BABAM2: variants seen among roughly 807,000 people sequenced by gnomAD.
The protein encoded by BABAM2 is BRISC and BRCA1-A complex member 2.
Under a neutral mutation model 54.7 loss-of-function variants are expected in BABAM2, and 31 were observed. The ratio of observed to expected loss-of-function variants is 0.57; its 90% CI spans 0.43 to 0.77. The LOEUF (loss-of-function observed/expected upper bound fraction) is 0.77, where lower values mean the gene tolerates loss of function less well. BABAM2 is among the 30% of genes least tolerant of loss of function. The pLI, the probability that BABAM2 is intolerant of heterozygous loss-of-function variation, is 0.00. For missense variants in BABAM2, 364 were observed against 455.8 expected (o/e 0.80, Z 1.83); for synonymous variants, 167 against 162.9 (o/e 1.03, Z -0.19).
chr2:28,076,335 T>A (rs946675527), intron 6 of BABAM2, among the ~76,000 whole-genome samples: 3 of 151,982 alleles, frequency 2.0e-5, no homozygotes, highest in Non-Finnish European at 4.4e-5. Context: ...TTAGATAAAA[T>A]ATTTTTAGAT....
chr2:28,179,845 GA>G (rs1376729743), intron 7 of BABAM2, among the ~76,000 whole-genome samples: 1 of 151,972 alleles, frequency 6.6e-6, no homozygotes, highest in Non-Finnish European at 1.5e-5. Flanking sequence ...AGTGGCTGAG[GA>G]AAAGAATAAG....
intron 7 of BABAM2, among the ~76,000 whole-genome samples, chr2:28,184,638 C>A (rs557570961): frequency 8.5e-5 from 13 of 152,204 alleles, no homozygotes; most frequent in African/African-American, 2.4e-4. Flanking sequence ...CATGTCCCTA[C>A]AAAGGACATG....
chr2:28,120,455 A>G (rs954233502), intron 6 of BABAM2, among the ~76,000 whole-genome samples: 2 of 152,182 alleles, frequency 1.3e-5, no homozygotes, highest in Non-Finnish European at 2.9e-5. Flanking sequence ...TAGTATCATG[A>G]TTAAGAGGCT....
At chr2:28,037,376 A>G (rs1410148779) in intron 5 of BABAM2, among the ~76,000 whole-genome samples, 2 of 152,164 alleles carry the variant, frequency 1.3e-5, no homozygotes, top group Non-Finnish European at 2.9e-5. Context: ...TTTTCTGTAT[A>G]AACATATATA....
chr2:28,211,799 TA>T (rs1251559189), intron 7 of BABAM2, among the ~76,000 whole-genome samples: 1 of 152,136 alleles, frequency 6.6e-6, no homozygotes, highest in Non-Finnish European at 1.5e-5. Context: ...CCATATGTCT[TA>T]AAAAAATATA....
chr2:28,022,818 A>G (rs1573411268), intron 4 of BABAM2, among the ~76,000 whole-genome samples: 1 of 152,184 alleles, frequency 6.6e-6, no homozygotes, highest in East Asian at 1.9e-4. Flanking sequence ...ATTTTTCTGT[A>G]TCTCCTACTC....
rs111350453 is a variant in BABAM2, at chr2:28,218,963, C to T, written c.681-18239C>T. Among the ~76,000 whole-genome samples, 772 of 152,322 alleles carry T rather than the reference C, an allele frequency of 5.1e-3. 10 individuals are homozygous for T. The highest frequency in any genetic ancestry group is 0.017 in the African/African-American group (722 of 41,576). ...CTGCATAAACAAAGCCTCATTTCAT[C>T]ATGTTTCCATCAAAAAACAGTTGTA... On this transcript the variant is annotated intron_variant, in intron 7 of 11. Coordinates refer to ENST00000379624, the MANE Select transcript of BABAM2 (RefSeq NM_199191.3).
At chr2:27,976,400 A>G (rs1273273456) in intron 3 of BABAM2, among the ~76,000 whole-genome samples, 1 of 152,178 alleles carries the variant, frequency 6.6e-6, no homozygotes, top group Non-Finnish European at 1.5e-5. Context: ...CTATTGATAC[A>G]TGCAGCAATT....
chr2:28,190,562 C>T (rs991358079), intron 7 of BABAM2, among the ~76,000 whole-genome samples: 3 of 152,154 alleles, frequency 2.0e-5, no homozygotes, highest in Non-Finnish European at 4.4e-5. Flanking sequence ...TGGTGCATGT[C>T]TGTAATCTTA....
chr2:28,321,245 A>T (rs1252601204), intron 11 of BABAM2, among the ~76,000 whole-genome samples: 1 of 152,202 alleles, frequency 6.6e-6, no homozygotes, highest in Non-Finnish European at 1.5e-5. Context: ...CTGGAGAGAA[A>T]CAGAGACTTG....
intron 7 of BABAM2, among the ~76,000 whole-genome samples, chr2:28,176,601 A>C (rs1675006744): frequency 7.2e-6 from 1 of 139,418 alleles, no homozygotes; most frequent in African/African-American, 2.6e-5. Flanking sequence ...AAAAAACCTC[A>C]CTGAGATATA....
In BABAM2 at chr2:28,319,795, A is replaced by G. The variant is rs543548707; in HGVS notation, c.1089-18655A>G. ...CTCCTGCCAGCTTCAGCTCAGCTCA[A>G]GGAGTGCACATGATTTTCCACACAG... On this transcript the variant is annotated intron_variant, in intron 11 of 11. Coordinates refer to ENST00000379624, the MANE Select transcript of BABAM2 (RefSeq NM_199191.3). 3.6e-4 allele frequency among the ~76,000 whole-genome samples: 55 copies of G among 152,318 alleles called. 1 individual carries two copies. The South Asian group carries it at 9.5e-3, about 26-fold the overall frequency.
chr2:28,156,720 C>G lies in BABAM2; in HGVS notation c.680+27340C>G, dbSNP rs149008765. On this transcript the variant is annotated intron_variant, in intron 7 of 11. Coordinates refer to ENST00000379624, the MANE Select transcript of BABAM2 (RefSeq NM_199191.3). ...ACAGTAGGGTCTACTCTCAATGAAG[C>G]AGACATATGGAATTTTAAGGCTTAT... Among the ~76,000 whole-genome samples, 898 of 152,180 alleles carry G rather than the reference C, an allele frequency of 5.9e-3. 4 individuals are homozygous for G. The highest frequency in any genetic ancestry group is 9.9e-3 in the Non-Finnish European group (670 of 67,992).
At chr2:27,986,382 T>C (rs981024838) in intron 3 of BABAM2, among the ~76,000 whole-genome samples, 1 of 152,070 alleles carries the variant, frequency 6.6e-6, no homozygotes, top group African/African-American at 2.4e-5. Flanking sequence ...TTAATGCCTA[T>C]CATAGTGGCT....
At chr2:28,243,012 C>T (rs962647720) in intron 9 of BABAM2, among the ~76,000 whole-genome samples, 2 of 152,158 alleles carry the variant, frequency 1.3e-5, no homozygotes, top group African/African-American at 4.8e-5. Flanking sequence ...GTAGTACACA[C>T]ACCCCAGAAG....
At chr2:28,125,492 C>CA (rs1443337145) in intron 6 of BABAM2, among the ~76,000 whole-genome samples, 1 of 151,992 alleles carries the variant, frequency 6.6e-6, no homozygotes, top group Non-Finnish European at 1.5e-5. Flanking sequence ...TGGGGTTTAC[C>CA]GTGTTGGCCA....
intron 6 of BABAM2, among the ~76,000 whole-genome samples, chr2:28,066,387 A>G (rs1304189084): frequency 1.3e-5 from 2 of 152,080 alleles, no homozygotes; most frequent in Admixed American, 6.5e-5. Flanking sequence ...GAATATTATT[A>G]TATATATTTA....
intron 7 of BABAM2, among the ~76,000 whole-genome samples, chr2:28,216,096 T>G (rs1254504739): frequency 6.6e-6 from 1 of 152,212 alleles, no homozygotes; most frequent in African/African-American, 2.4e-5. Context: ...CTCTCTTAAT[T>G]TTCTTCTAAT....
chr2:28,109,667 G>C (rs1169464716), intron 6 of BABAM2, among the ~76,000 whole-genome samples: 1 of 152,038 alleles, frequency 6.6e-6, no homozygotes, highest in Non-Finnish European at 1.5e-5. Flanking sequence ...GACCCAAAGG[G>C]GATAGTCTCG....
Sources: allele counts gnomAD v4.1 joint callset (sites outside exome capture counted in the v4.1 genomes callset), GRCh38; gene constraint gnomAD v4.1.1; transcripts MANE v1.5; gene names NCBI Gene and HGNC (gene_info 2026-07-23, HGNC 2026-07-21).